ZNF761: variants seen among roughly 807,000 people sequenced by gnomAD.
ZNF761 encodes the protein zinc finger protein 761.
A neutral mutation model predicts 59.9 loss-of-function variants in ZNF761; 43 were observed. That is an observed-to-expected ratio of 0.72 (90% CI 0.56 to 0.92). The LOEUF is 0.92. Among genes scored for constraint, ZNF761 ranks in the 40% least tolerant of loss-of-function variants. The probability of loss-of-function intolerance (pLI) is 0.00; values close to 1 mark genes in which losing one functional copy is unlikely to be tolerated. For missense variants in ZNF761, 850 were observed against 906.1 expected (o/e 0.94, Z 0.79); for synonymous variants, 294 against 304.8 (o/e 0.96, Z 0.37).
At chr19:53,447,972 C>A (rs562446692) in intron 3 of ZNF761, among the ~76,000 whole-genome samples, 1 of 152,046 alleles carries the variant, frequency 6.6e-6, no homozygotes, top group East Asian at 1.9e-4. Flanking sequence ...TTTCATTAAA[C>A]GTTTTTATAA....
chr19:53,439,296 A>AGTTGTTTTTGTTGTTGTT (rs1421701279), intron 1 of ZNF761, among the ~76,000 whole-genome samples: 2 of 144,696 alleles, frequency 1.4e-5, no homozygotes, highest in Non-Finnish European at 3.0e-5. Flanking sequence ...AGATTGTGGT[A>AGTTGTTTTTGTTGTTGTT]GTTGTTTTTG....
rs1219731001 is a variant in ZNF761, at chr19:53,457,458, T to A, written c.*710T>A. 1 of 406,408 alleles carries A rather than the reference T, an allele frequency of 2.5e-6. No individual in the cohort carries two copies. Among genetic ancestry groups the A allele is most frequent in the East Asian group, 7.4e-5 (1 of 13,550 alleles). 25.2% of individuals were successfully genotyped at this position (406,408 alleles called of 1,614,324 possible). A position where few individuals can be genotyped will look rare whatever the true frequency, so the allele number is the denominator to read the frequency against. On this transcript the variant is annotated 3_prime_UTR_variant, in exon 5 of 5. Coordinates refer to ENST00000684525, the MANE Select transcript of ZNF761 (RefSeq NM_001289951.2). ...CCTTCACTTCACACCTCATGAGACA[T>A]CAGAGAATGCATACTGGACAGAAAT...
At position 53,456,752 on chromosome 19, in the gene ZNF761, A is replaced by G. The variant is rs2086276691; in HGVS notation, c.*4A>G. 3 of 1,613,280 alleles carry G rather than the reference A, an allele frequency of 1.9e-6. No individual in the cohort carries two copies. Among genetic ancestry groups the G allele is most frequent in the African/African-American group, 1.3e-5 (1 of 75,012 alleles). ...TACTGGAGAAAAACAAGTGTAATGA[A>G]TGTGGTGAGGTTTTTAATCAACAAG... On this transcript the variant is annotated 3_prime_UTR_variant, in exon 5 of 5. Transcript: ENST00000684525.
chr19:53,450,912 T>C (rs765319349), intron 4 of ZNF761, among the ~76,000 whole-genome samples: 4 of 151,780 alleles, frequency 2.6e-5, no homozygotes, highest in Non-Finnish European at 4.4e-5. Flanking sequence ...GGAGAGTCAC[T>C]TGAACCCAGG....
At chr19:53,448,023 G>T (rs1410609852) in intron 3 of ZNF761, among the ~76,000 whole-genome samples, 2 of 152,020 alleles carry the variant, frequency 1.3e-5, no homozygotes, top group Non-Finnish European at 2.9e-5. Context: ...TTTTAAATAT[G>T]CAGAGTCTTG....
Position 53,454,773 on chromosome 19 carries a change from A to T in ZNF761, c.266A>T (p.Asp89Val), listed in dbSNP as rs2086249477. 6.2e-7 allele frequency: 1 copy of T among 1,614,160 alleles called. No individual in the cohort carries two copies. Residue 89 changes from aspartate (D) to valine (V), a missense_variant, in exon 5 of 5, where the codon GAT becomes GTT. Transcript: ENST00000684525. The stretch of plus-strand genomic sequence containing the variant: ...CACAATGGAGATTTTTGCTACCAGG[A>T]TGTTGATAAAGATATTCATGACTAT... The part of the protein sequence containing the change: ...SHHNGDFCYQ[D>V]VDKDIHDYEF...
rs562553023 is a variant in ZNF761, at chr19:53,442,016, G to T, written c.-184-4211G>T. 1.4e-4 allele frequency: 154 copies of T among 1,062,130 alleles called. 1 individual carries two copies. In the African/African-American group the frequency reaches 1.8e-3, roughly 13 times the overall value. 65.8% of individuals were successfully genotyped at this position (1,062,130 alleles called of 1,614,324 possible). ...ACAGGCAGAGGCTGAAGTGGCCTCCGTGAACGGTAGGATCCAGCTGGTTGA... is the reference window on the plus strand; with the variant it reads ...ACAGGCAGAGGCTGAAGTGGCCTCCTTGAACGGTAGGATCCAGCTGGTTGA... On this transcript the variant is annotated intron_variant, in intron 1 of 4. Transcript: ENST00000684525.
chr19:53,449,138 T>TG, intron 3 of ZNF761, among the ~76,000 whole-genome samples: 3 of 152,114 alleles, frequency 2.0e-5, no homozygotes, highest in African/African-American at 7.2e-5. Flanking sequence ...GAGACCAACC[T>TG]GGCTATTACG....
intron 1 of ZNF761, among the ~76,000 whole-genome samples, chr19:53,437,794 T>G (rs1393773776): frequency 6.6e-6 from 1 of 152,040 alleles, no homozygotes; most frequent in East Asian, 1.9e-4. Flanking sequence ...TATAGTTCCA[T>G]GTACATGCAA....
At chr19:53,451,864 G>C (rs977158752) in intron 4 of ZNF761, among the ~76,000 whole-genome samples, 1 of 151,790 alleles carries the variant, frequency 6.6e-6, no homozygotes, top group African/African-American at 2.4e-5. Flanking sequence ...TGGGATTACA[G>C]GTGTGAACCA....
chr19:53,449,458 T>C, intron 3 of ZNF761, 54 bp from the exon 4 acceptor site: 1 of 1,613,788 alleles, frequency 6.2e-7, no homozygotes, highest in Non-Finnish European at 8.5e-7. Flanking sequence ...TCATTTTCTG[T>C]AAAGATAAGA....
At chr19:53,439,083 C>T (rs915182657) in intron 1 of ZNF761, among the ~76,000 whole-genome samples, 3 of 151,918 alleles carry the variant, frequency 2.0e-5, no homozygotes, top group African/African-American at 7.3e-5. Context: ...CCAGACTGGC[C>T]AAGATGGTGA....
At chr19:53,449,881 A>C in intron 4 of ZNF761, 1 of 846,632 alleles carries the variant, frequency 1.2e-6, no homozygotes, top group South Asian at 1.9e-5. Flanking sequence ...CTTTCCAGAC[A>C]GGGTCTTGCT....
chr19:53,442,952 CT>C (rs2086115613), intron 1 of ZNF761: 1 of 325,028 alleles, frequency 3.1e-6, no homozygotes, highest in Non-Finnish European at 6.0e-6. Context: ...TCATTTTTTT[CT>C]GTACAAGTAT....
At chr19:53,454,611 G>T in intron 4 of ZNF761, 39 bp from the exon 5 acceptor site, 1 of 1,534,908 alleles carries the variant, frequency 6.5e-7, no homozygotes, top group African/African-American at 1.4e-5. Flanking sequence ...TTTACCATCT[G>T]TACTTAATTT....
intron 4 of ZNF761, 116 bp from the exon 5 acceptor site, chr19:53,454,534 A>C: frequency 9.5e-7 from 1 of 1,054,746 alleles, no homozygotes; most frequent in Non-Finnish European, 1.3e-6. Flanking sequence ...CTAAACTTTG[A>C]GGGTCATGTT....
At chr19:53,435,499 C>T (rs1396022085) in intron 1 of ZNF761, among the ~76,000 whole-genome samples, 2 of 151,688 alleles carry the variant, frequency 1.3e-5, no homozygotes, top group African/African-American at 4.8e-5. Context: ...ATACGGGGTT[C>T]TCCATGTTGG....
intron 4 of ZNF761, among the ~76,000 whole-genome samples, chr19:53,452,540 C>T (rs2086230873): frequency 6.6e-6 from 1 of 151,888 alleles, no homozygotes; most frequent in African/African-American, 2.4e-5. Flanking sequence ...ATGTGGGTGA[C>T]AGAGTGTGAC....
Position 53,432,487 on chromosome 19 carries a change from GC to G in ZNF761, c.-185+460del, listed in dbSNP as rs564604605. On this transcript the variant is annotated intron_variant, in intron 1 of 4. Transcript: ENST00000684525. ...CACCTCCCTCCTTGTGCCGGGCCCT[GC>G]TGCTCCACGGGTTTCGCCTCCACAA... Among the ~76,000 whole-genome samples the G allele has an allele frequency of 2.2e-3, 335 of 152,170 alleles. 1 individual carries two copies. The highest frequency in any genetic ancestry group is 5.3e-3 in the African/African-American group (220 of 41,516).
Sources: allele counts gnomAD v4.1 joint callset (sites outside exome capture counted in the v4.1 genomes callset), GRCh38; gene constraint gnomAD v4.1.1; transcripts MANE v1.5; gene names NCBI Gene and HGNC (gene_info 2026-07-23, HGNC 2026-07-21).